The following DIS3L2 variants were observed in gnomAD, a reference collection of about 807,000 sequenced individuals.
DIS3L2 encodes DIS3-like exonuclease 2.
Under a neutral mutation model 97.5 loss-of-function variants are expected in DIS3L2, and 34 were observed. The ratio of observed to expected loss-of-function variants is 0.35; its 90% CI spans 0.27 to 0.46. DIS3L2 has a LOEUF of 0.46. Ranked by LOEUF, DIS3L2 falls within the 20% of genes least tolerant of loss-of-function variation. The probability of loss-of-function intolerance (pLI) is 1.00; values close to 1 mark genes in which losing one functional copy is unlikely to be tolerated. For synonymous variants in DIS3L2, 435 were observed against 445.2 expected (o/e 0.98, Z 0.29); for missense variants, 1,038 against 1,146.0 (o/e 0.91, Z 1.36).
Position 232,258,550 on chromosome 2 carries a change from C to G in DIS3L2, c.1426-4657C>G, listed in dbSNP as rs574311874. Among the ~76,000 whole-genome samples, 8 of 144,738 alleles carry G rather than the reference C, an allele frequency of 5.5e-5. No individual in the cohort carries two copies. The East Asian group carries it at 1.7e-3, about 30-fold the overall frequency. 95.0% of individuals were successfully genotyped at this position (144,738 alleles called of 152,430 possible). ...AGTGAGCCCAGATCGTGCCACTGCA[C>G]TCCAACCTGGTGACAGAGTGACAGA... On this transcript the variant is annotated intron_variant, in intron 12 of 20. Transcript: ENST00000325385.
At chr2:232,255,926 T>A (rs1693549987) in intron 12 of DIS3L2, among the ~76,000 whole-genome samples, 1 of 152,186 alleles carries the variant, frequency 6.6e-6, no homozygotes, top group Non-Finnish European at 1.5e-5. Flanking sequence ...TCTGAATGCC[T>A]CCAGAATCAG....
intron 5 of DIS3L2, among the ~76,000 whole-genome samples, chr2:232,086,645 G>GTATA (rs1308028353): frequency 2.0e-5 from 1 of 51,222 alleles, no homozygotes; most frequent in Non-Finnish European, 3.5e-5. Flanking sequence ...ATATATATAT[G>GTATA]TATATATATA....
chr2:231,986,692 G>A (rs1364237703), intron 1 of DIS3L2, among the ~76,000 whole-genome samples: 1 of 152,098 alleles, frequency 6.6e-6, no homozygotes, highest in Admixed American at 6.5e-5. Context: ...ATGATGAGAG[G>A]GACAGAAAGA....
At chr2:232,258,745 T>C (rs1224346270) in intron 12 of DIS3L2, among the ~76,000 whole-genome samples, 2 of 152,200 alleles carry the variant, frequency 1.3e-5, no homozygotes, top group Non-Finnish European at 2.9e-5. Flanking sequence ...GGTTATGCAC[T>C]GGGCATTGAT....
chr2:232,145,746 T>G (rs1227587071), intron 8 of DIS3L2, among the ~76,000 whole-genome samples: 1 of 152,216 alleles, frequency 6.6e-6, no homozygotes, highest in African/African-American at 2.4e-5. Context: ...TTAGCTTTCC[T>G]TTGGCATTTC....
intron 5 of DIS3L2, among the ~76,000 whole-genome samples, chr2:232,072,483 G>A (rs1696049028): frequency 6.6e-6 from 1 of 152,128 alleles, no homozygotes; most frequent in South Asian, 2.1e-4. Flanking sequence ...AGACGAGGTC[G>A]GAGGGATCCG....
At chr2:232,166,350 G>A (rs530543423) in intron 9 of DIS3L2, among the ~76,000 whole-genome samples, 8 of 152,274 alleles carry the variant, frequency 5.3e-5, no homozygotes, top group East Asian at 3.9e-4. Context: ...GCGTGCGCGC[G>A]CGCCCTGTGA....
intron 10 of DIS3L2, among the ~76,000 whole-genome samples, chr2:232,215,531 A>G (rs1206614869): frequency 6.6e-6 from 1 of 152,090 alleles, no homozygotes; most frequent in Non-Finnish European, 1.5e-5. Context: ...TTTGGGGAGG[A>G]TGGAGCAGAC....
intron 5 of DIS3L2, among the ~76,000 whole-genome samples, chr2:232,065,995 A>G (rs1042651454): frequency 1.3e-5 from 2 of 151,740 alleles, no homozygotes; most frequent in South Asian, 2.1e-4. Context: ...ACTTTTGTAT[A>G]TGTATATGTA....
At chr2:232,072,973 G>A (rs568334651) in intron 5 of DIS3L2, among the ~76,000 whole-genome samples, 17 of 152,262 alleles carry the variant, frequency 1.1e-4, no homozygotes, top group African/African-American at 3.9e-4. Flanking sequence ...TAAAAGGTAC[G>A]TTTGGATTAG....
intron 14 of DIS3L2, among the ~76,000 whole-genome samples, chr2:232,305,972 A>G (rs1338202231): frequency 1.3e-5 from 2 of 151,718 alleles, no homozygotes; most frequent in Non-Finnish European, 2.9e-5. Context: ...AAAAAAAAAG[A>G]TCATCTTAAG....
chr2:232,048,337 T>C (rs1695300029), intron 5 of DIS3L2, among the ~76,000 whole-genome samples: 1 of 152,146 alleles, frequency 6.6e-6, no homozygotes, highest in Non-Finnish European at 1.5e-5. Context: ...AGCCCCTCTA[T>C]CTCCTAGATT....
intron 9 of DIS3L2, among the ~76,000 whole-genome samples, chr2:232,171,358 G>A (rs1690985453): frequency 6.6e-6 from 1 of 152,092 alleles, no homozygotes; most frequent in East Asian, 1.9e-4. Context: ...TTCTGAACTA[G>A]GTATTTCAAA....
Position 232,335,961 on chromosome 2 carries a change from C to A in DIS3L2, c.2496+87C>A, listed in dbSNP as rs140979565. On this transcript the variant is annotated intron_variant, in intron 20 of 20. Transcript: ENST00000325385. Reference sequence around the variant, plus strand: ...GTGCCCCTCATTCCTTCATCTGTGTCCCCTGGGCTCCCCCAGCACTGCAGC... The same window carrying A: ...GTGCCCCTCATTCCTTCATCTGTGTACCCTGGGCTCCCCCAGCACTGCAGC... 2.9e-5 allele frequency: 45 copies of A among 1,540,926 alleles called. No individual in the cohort carries two copies. The East Asian group carries it at 1.1e-3, about 38-fold the overall frequency.
At chr2:232,319,413 A>C (rs1241222928) in intron 14 of DIS3L2, among the ~76,000 whole-genome samples, 1 of 152,306 alleles carries the variant, frequency 6.6e-6, no homozygotes, top group South Asian at 2.1e-4. Context: ...ACAAAGATTT[A>C]CTGGTAAATG....
chr2:232,014,788 G>A, intron 1 of DIS3L2, 47 bp from the exon 2 acceptor site: 1 of 806,298 alleles, frequency 1.2e-6, no homozygotes, highest in Non-Finnish European at 1.9e-6. Context: ...GACAGAGGAG[G>A]CTACAGCTTA....
In DIS3L2 at chr2:232,015,671, G is replaced by A; in HGVS notation, c.210G>A (p.Gln70=). ...SEGLKRGTLI[Q]GVLRINPKKF... is the part of the protein sequence containing the mutation. ...GCTTGAAGAGAGGAACACTCATCCA[G>A]GTGCTTAAAATCTACTGGAAGGCTA... The change falls in exon 3 of 21, where the codon CAG becomes CAA. Residue 70 remains glutamine (Q), a splice_region_variant and synonymous_variant. Coordinates refer to ENST00000325385, the MANE Select transcript of DIS3L2 (RefSeq NM_152383.5). The A allele has an allele frequency of 6.2e-7, 1 of 1,613,400 alleles. No homozygotes were observed. The highest frequency in any genetic ancestry group is 8.5e-7 in the Non-Finnish European group (1 of 1,179,698).
intron 7 of DIS3L2, among the ~76,000 whole-genome samples, chr2:232,133,356 G>A (rs1214442593): frequency 6.6e-6 from 1 of 152,204 alleles, no homozygotes; most frequent in Non-Finnish European, 1.5e-5. Flanking sequence ...CAAGGAAATT[G>A]TCATTGAAAC....
chr2:232,230,954 C>T (rs561538378), intron 10 of DIS3L2, among the ~76,000 whole-genome samples: 4 of 152,222 alleles, frequency 2.6e-5, no homozygotes, highest in Admixed American at 2.6e-4. Flanking sequence ...CTGGGATGCT[C>T]TCCCCCATGT....
Sources: allele counts gnomAD v4.1 joint callset (sites outside exome capture counted in the v4.1 genomes callset), GRCh38; gene constraint gnomAD v4.1.1; transcripts MANE v1.5; gene names NCBI Gene and HGNC (gene_info 2026-07-23, HGNC 2026-07-21).